ARHGAP22: variants seen among roughly 807,000 people sequenced by gnomAD.
ARHGAP22 encodes the protein Rho GTPase activating protein 22.
In ARHGAP22, 48 loss-of-function variants were observed where a neutral mutation model predicts 59.1. The observed-to-expected ratio is 0.81, with a 90% confidence interval of 0.64 to 1.03. ARHGAP22 has a LOEUF of 1.03. Ranked by LOEUF, ARHGAP22 falls within the 50% of genes least tolerant of loss-of-function variation. The pLI, the probability that ARHGAP22 is intolerant of heterozygous loss-of-function variation, is 0.00. For missense variants in ARHGAP22, 1,015 were observed against 958.7 expected, an observed-to-expected ratio of 1.06 and a Z score of -0.78; for synonymous variants, 445 against 416.4, an observed-to-expected ratio of 1.07 and a Z score of -0.84.
At chr10:48,431,342 C>T in the ARHGAP22 span, 3 of 913,252 alleles carry the variant, frequency 3.3e-6, no homozygotes, top group Non-Finnish European at 5.2e-6. Context: ...GGCCTGAAAC[C>T]TGCAGTTCTT....
intron 3 of ARHGAP22, among the ~76,000 whole-genome samples, chr10:48,497,534 G>A (rs976742590): frequency 9.2e-5 from 14 of 152,176 alleles, no homozygotes; most frequent in African/African-American, 2.4e-4. Context: ...GTCAGCGGAC[G>A]CTGTGTAAGG....
chr10:48,640,218 C>T (rs1388034429), intron 1 of ARHGAP22, among the ~76,000 whole-genome samples: 2 of 152,090 alleles, frequency 1.3e-5, no homozygotes, highest in Non-Finnish European at 2.9e-5. Context: ...AAAAGACTTT[C>T]AGAGACCTGT....
chr10:48,655,118 C>CTTCTCTT (rs1565070577), upstream of ARHGAP22, among the ~76,000 whole-genome samples: 4 of 48,840 alleles, frequency 8.2e-5, no homozygotes, highest in South Asian at 1.5e-3. Context: ...TCTTCTCTTT[C>CTTCTCTT]CTCTTGGCCA....
intron 1 of ARHGAP22, among the ~76,000 whole-genome samples, chr10:48,649,237 A>G (rs2062448659): frequency 6.6e-6 from 1 of 152,102 alleles, no homozygotes; most frequent in Non-Finnish European, 1.5e-5. Flanking sequence ...CTATTCTCTC[A>G]GGACACAGTC....
At chr10:48,469,874 C>G (rs987086757) in intron 4 of ARHGAP22, among the ~76,000 whole-genome samples, 3 of 152,228 alleles carry the variant, frequency 2.0e-5, no homozygotes, top group African/African-American at 7.2e-5. Context: ...ATCCTGCTCT[C>G]TACAGCAGGC....
chr10:48,478,299 G>C (rs997090481), intron 4 of ARHGAP22, among the ~76,000 whole-genome samples: 11 of 152,204 alleles, frequency 7.2e-5, no homozygotes, highest in Admixed American at 3.3e-4. Context: ...CTGACAGTGT[G>C]ATATCATTCA....
chr10:48,514,455 GA>G (rs951778327), intron 3 of ARHGAP22, among the ~76,000 whole-genome samples: 1 of 151,970 alleles, frequency 6.6e-6, no homozygotes, highest in Non-Finnish European at 1.5e-5. Flanking sequence ...TACTGAAAGA[GA>G]AAAAAATGAC....
rs754920790 is a variant in ARHGAP22 at position 48,485,646 on chromosome 10, A to G, written c.323-5882T>C. 1.7e-4 allele frequency among the ~76,000 whole-genome samples: 26 copies of G among 152,140 alleles called. 1 individual carries two copies. The highest frequency in any genetic ancestry group is 6.2e-4 in the South Asian group (3 of 4,826). ...TTGTCTATTTTCTCCTTGTATTTCT[A>G]TCAGTTTTTGCTTCAGGTAGTTTGA... On this transcript the variant is annotated intron_variant, in intron 3 of 9. Coordinates refer to ENST00000249601, the MANE Select transcript of ARHGAP22 (RefSeq NM_021226.4).
At chr10:48,591,372 A>G (rs2059742821) in intron 1 of ARHGAP22, among the ~76,000 whole-genome samples, 1 of 152,172 alleles carries the variant, frequency 6.6e-6, no homozygotes, top group Non-Finnish European at 1.5e-5. Context: ...CAGAGGAGGA[A>G]CCATTTCACG....
the ARHGAP22 span, chr10:48,437,500 G>C: frequency 6.6e-6 from 1 of 152,074 alleles, no homozygotes; most frequent in Non-Finnish European, 1.5e-5. Context: ...TTTTGACCAA[G>C]ATTTTTATTA....
chr10:48,656,012 C>T (rs534310963), upstream of ARHGAP22: 31 of 152,500 alleles, frequency 2.0e-4, no homozygotes, highest in Non-Finnish European at 3.7e-4. Context: ...GCAGAGCGGG[C>T]GGGGCTGCTC....
intron 1 of ARHGAP22, among the ~76,000 whole-genome samples, chr10:48,623,636 C>T (rs531318640): frequency 1.3e-5 from 2 of 152,188 alleles, no homozygotes; most frequent in Admixed American, 6.5e-5. Flanking sequence ...ACCTCTATCC[C>T]TCAAAGCCCT....
chr10:48,547,594 G>T (rs575147707), intron 3 of ARHGAP22, among the ~76,000 whole-genome samples: 3 of 152,354 alleles, frequency 2.0e-5, no homozygotes, highest in African/African-American at 7.2e-5. Flanking sequence ...CTAGACCCAG[G>T]CCTCAGAGCA....
chr10:48,502,193 C>T (rs914371126), intron 3 of ARHGAP22, among the ~76,000 whole-genome samples: 1 of 152,192 alleles, frequency 6.6e-6, no homozygotes, highest in African/African-American at 2.4e-5. Context: ...TTCTTAAAAC[C>T]AGCCTCTCCC....
At chr10:48,439,395 G>A in the ARHGAP22 span, 1 of 151,658 alleles carries the variant, frequency 6.6e-6, no homozygotes, top group African/African-American at 2.4e-5. Flanking sequence ...AAATCTGTTT[G>A]TGGTAAAGTT....
chr10:48,517,918 G>A (rs913156420), intron 3 of ARHGAP22, among the ~76,000 whole-genome samples: 2 of 152,186 alleles, frequency 1.3e-5, no homozygotes, highest in Admixed American at 6.5e-5. Flanking sequence ...GAGCTGGGAC[G>A]ACTGCTGGCA....
At chr10:48,468,335 C>T (rs1490205605) in intron 4 of ARHGAP22, among the ~76,000 whole-genome samples, 3 of 152,172 alleles carry the variant, frequency 2.0e-5, no homozygotes, top group Non-Finnish European at 4.4e-5. Context: ...CCTGGGTTAT[C>T]TAAGGGGCCA....
At chr10:48,623,405 C>T (rs2061348202) in intron 1 of ARHGAP22, among the ~76,000 whole-genome samples, 1 of 152,224 alleles carries the variant, frequency 6.6e-6, no homozygotes, top group Non-Finnish European at 1.5e-5. Context: ...AAGATTTCAT[C>T]CTTCTTATGG....
chr10:48,564,884 G>A (rs1212062300), intron 2 of ARHGAP22, among the ~76,000 whole-genome samples: 3 of 152,352 alleles, frequency 2.0e-5, no homozygotes, highest in Non-Finnish European at 4.4e-5. Flanking sequence ...CACATCAGGA[G>A]ACTGCCATAG....
Sources: allele counts gnomAD v4.1 joint callset (sites outside exome capture counted in the v4.1 genomes callset), GRCh38; gene constraint gnomAD v4.1.1; transcripts MANE v1.5; gene names NCBI Gene and HGNC (gene_info 2026-07-23, HGNC 2026-07-21).